The following PRR11 variants were observed in gnomAD, a reference collection of about 807,000 sequenced individuals.
PRR11 encodes the protein proline rich 11, also known as proline-rich protein 11.
In PRR11, 30 loss-of-function variants were observed where a neutral mutation model predicts 45.6. The ratio of observed to expected loss-of-function variants is 0.66; its 90% CI spans 0.49 to 0.89. PRR11 has a LOEUF of 0.89. PRR11 is among the 40% of genes least tolerant of loss of function. The pLI is 0.00. For missense variants in PRR11, 373 were observed against 424.8 expected, an observed-to-expected ratio of 0.88 and a Z score of 1.07; for synonymous variants, 128 against 153.5, an observed-to-expected ratio of 0.83 and a Z score of 1.23.
intron 2 of PRR11, chr17:59,178,571 A>G (rs2046762304): frequency 1.9e-6 from 1 of 525,734 alleles, no homozygotes; most frequent in Non-Finnish European, 3.8e-6. Flanking sequence ...AAAGCAGGAC[A>G]GGGTTTCCGT....
intron 1 of PRR11, among the ~76,000 whole-genome samples, chr17:59,159,622 T>G (rs1233338066): frequency 1.3e-5 from 2 of 152,226 alleles, no homozygotes; most frequent in African/African-American, 4.8e-5. Context: ...TCTGATGTCT[T>G]GGTCCTTATC....
At chr17:59,182,956 A>G (rs1442110970) in intron 2 of PRR11, among the ~76,000 whole-genome samples, 1 of 152,084 alleles carries the variant, frequency 6.6e-6, no homozygotes, top group Non-Finnish European at 1.5e-5. Context: ...TGTGTTATCA[A>G]TTCTCGAGGC....
chr17:59,191,508 C>T (rs995410812), intron 4 of PRR11, among the ~76,000 whole-genome samples: 5 of 152,086 alleles, frequency 3.3e-5, no homozygotes, highest in Admixed American at 6.6e-5. Flanking sequence ...CGTGAGCCAC[C>T]GCACCCAGCT....
chr17:59,198,212 A>G (rs1174056350), intron 9 of PRR11, among the ~76,000 whole-genome samples: 2 of 152,158 alleles, frequency 1.3e-5, no homozygotes, highest in Non-Finnish European at 2.9e-5. Flanking sequence ...AAGTATTTTC[A>G]TATTTAGGCT....
chr17:59,165,454 A>G (rs535613765), intron 1 of PRR11, among the ~76,000 whole-genome samples: 112 of 152,272 alleles, frequency 7.4e-4, no homozygotes, highest in Non-Finnish European at 1.5e-3. Flanking sequence ...CTCCCAGCTC[A>G]GCCTCCTGAA....
rs149771036 is a variant in PRR11, at chr17:59,185,536, T to G, written c.376T>G (p.Leu126Val). The stretch of plus-strand genomic sequence containing the variant: ...ACAGTTTTGCATTTTGGAAAGTAAA[T>G]TATGCAAGCTCCAGGAAGCACTGAA... Reference protein sequence around the residue: ...KQQFCILESKLCKLQEALKTI... With the variant: ...KQQFCILESKVCKLQEALKTI... Residue 126 changes from leucine to valine, a missense_variant, in exon 4 of 10, where the codon TTA becomes GTA. Leu to Val is a conservative substitution (Grantham distance 32). Transcript: ENST00000262293. 123 of 1,610,534 alleles carry G rather than the reference T, an allele frequency of 7.6e-5. No individual in the cohort carries two copies. In the African/African-American group the frequency reaches 1.2e-3, roughly 16 times the overall value.
At position 59,201,864 on chromosome 17, in the gene PRR11, G is replaced by A. The variant is rs970585161; in HGVS notation, c.*233G>A. On this transcript the variant is annotated 3_prime_UTR_variant, in exon 10 of 10. Transcript: ENST00000262293. ...CGGGTGCCTGTAATCCCAGCTATGC[G>A]GGAGGCTAAGGCAGGAGAATTGCTT... 13 of 453,220 alleles carry A rather than the reference G, an allele frequency of 2.9e-5. No homozygotes were observed. Among genetic ancestry groups the A allele is most frequent in the East Asian group, 2.8e-4 (7 of 25,130 alleles). 28.1% of individuals were successfully genotyped at this position (453,220 alleles called of 1,614,324 possible). A position where few individuals can be genotyped will look rare whatever the true frequency, so the allele number is the denominator to read the frequency against.
At chr17:59,190,721 G>C (rs1003232923) in intron 4 of PRR11, among the ~76,000 whole-genome samples, 1 of 152,198 alleles carries the variant, frequency 6.6e-6, no homozygotes, top group African/African-American at 2.4e-5. Context: ...TTTACAGTAA[G>C]TTTATTTCTC....
At position 59,194,885 on chromosome 17, in the gene PRR11, T is replaced by C. The variant is rs367842373; in HGVS notation, c.744+30T>C. Reference sequence around the variant, plus strand: ...GATGTCATTGACCACATACATGCTCTTTTTGCTTTTAACAATATAGGCTCA... The same window carrying C: ...GATGTCATTGACCACATACATGCTCCTTTTGCTTTTAACAATATAGGCTCA... On this transcript the variant is annotated intron_variant, in intron 6 of 9. Transcript: ENST00000262293. 8.1e-5 allele frequency: 127 copies of C among 1,567,740 alleles called. No individual in the cohort carries two copies. In the African/African-American group the frequency reaches 1.3e-3, roughly 17 times the overall value.
At chr17:59,194,960 G>T (rs2046858677) in intron 6 of PRR11, 105 bp downstream of exon 6, 1 of 857,722 alleles carries the variant, frequency 1.2e-6, no homozygotes, top group East Asian at 2.6e-5. Flanking sequence ...GATCACCTGA[G>T]CCCAGGAGTT....
At chr17:59,178,168 T>A (rs953871167) in intron 2 of PRR11, among the ~76,000 whole-genome samples, 1 of 152,056 alleles carries the variant, frequency 6.6e-6, no homozygotes, top group East Asian at 1.9e-4. Flanking sequence ...ACCCCATCTC[T>A]ACTAAAAACA....
Position 59,167,791 on chromosome 17 carries a change from C to T in PRR11, c.-5-1957C>T, listed in dbSNP as rs540255358. On this transcript the variant is annotated intron_variant, in intron 1 of 9. Transcript: ENST00000262293. ...CTTTTAGCATGCAAATGCATTATAACTAGTGTATAATGAGCAGTAAGGACA... is the reference window on the plus strand; with the variant it reads ...CTTTTAGCATGCAAATGCATTATAATTAGTGTATAATGAGCAGTAAGGACA... 8.7e-4 allele frequency among the ~76,000 whole-genome samples: 133 copies of T among 152,092 alleles called. 1 individual carries two copies. The highest frequency in any genetic ancestry group is 1.6e-3 in the Non-Finnish European group (108 of 68,026).
intron 1 of PRR11, among the ~76,000 whole-genome samples, chr17:59,156,313 C>T (rs2046623379): frequency 6.6e-6 from 1 of 151,870 alleles, no homozygotes; most frequent in Admixed American, 6.6e-5. Context: ...AAATGCGTGT[C>T]CTGTTTACTG....
chr17:59,177,200 G>T, intron 2 of PRR11: 1 of 548,412 alleles, frequency 1.8e-6, no homozygotes, highest in Non-Finnish European at 3.7e-6. Flanking sequence ...CATTGGTATT[G>T]CCGGGAGAAG....
chr17:59,172,707 T>C (rs2147839356), intron 2 of PRR11, among the ~76,000 whole-genome samples: 1 of 152,324 alleles, frequency 6.6e-6, no homozygotes, highest in East Asian at 1.9e-4. Flanking sequence ...CCAGCAGTGC[T>C]GGCCCACTGG....
At chr17:59,189,168 C>T (rs2046828732) in intron 4 of PRR11, among the ~76,000 whole-genome samples, 2 of 151,098 alleles carry the variant, frequency 1.3e-5, no homozygotes, top group Non-Finnish European at 2.9e-5. Flanking sequence ...GGCGTGGTGG[C>T]GCATGTCCAT....
intron 2 of PRR11, among the ~76,000 whole-genome samples, chr17:59,180,199 C>T (rs4246417): frequency 0.26 from 38,455 of 146,194 alleles, 5,578 homozygotes; most frequent in Middle Eastern, 0.42. Context: ...AGTGCAATCT[C>T]GGCTCACTGC....
At position 59,203,888 on chromosome 17, in the gene PRR11, C is replaced by A. The variant is rs2046905320; in HGVS notation, c.*2257C>A. 6.7e-6 allele frequency: 1 copy of A among 149,560 alleles called. No homozygotes were observed. The highest frequency in any genetic ancestry group is 6.7e-5 in the Admixed American group (1 of 14,950). The allele number at this position is 149,560 out of a possible 1,614,324, so 9.3% of individuals were successfully genotyped here. On this transcript the variant is annotated 3_prime_UTR_variant, in exon 10 of 10. Coordinates refer to ENST00000262293, the MANE Select transcript of PRR11 (RefSeq NM_018304.4). ...AGTGACGTTAAGAGATATATATCAG[C>A]TTCTAGTAAAAGTTTTTTTTTTTAA...
chr17:59,172,510 G>A (rs997180665), intron 2 of PRR11, among the ~76,000 whole-genome samples: 15 of 152,234 alleles, frequency 9.9e-5, no homozygotes, highest in African/African-American at 2.9e-4. Flanking sequence ...CTCAGCTTGC[G>A]GGGAGGTGTC....
Sources: allele counts gnomAD v4.1 joint callset (sites outside exome capture counted in the v4.1 genomes callset), GRCh38; gene constraint gnomAD v4.1.1; transcripts MANE v1.5; gene names NCBI Gene and HGNC (gene_info 2026-07-23, HGNC 2026-07-21).